The following KCNU1 variants were observed in gnomAD, a reference collection of about 807,000 sequenced individuals.
The protein encoded by KCNU1 is potassium channel subfamily U member 1.
In KCNU1, 93 loss-of-function variants were observed where a neutral mutation model predicts 126.8. The ratio of observed to expected loss-of-function variants is 0.73; its 90% confidence interval spans 0.62 to 0.87. The LOEUF (loss-of-function observed/expected upper bound fraction) is 0.87. Ranked by LOEUF, KCNU1 falls within the 40% of genes least tolerant of loss-of-function variation. The pLI is 0.00. For missense variants in KCNU1, 1,330 were observed against 1,367.1 expected (o/e 0.97, Z 0.43); for synonymous variants, 523 against 494.2 (o/e 1.06, Z -0.77).
Position 36,850,219 on chromosome 8 carries a change from A to G in KCNU1, c.1891+4320A>G, listed in dbSNP as rs1054906554. Among the ~76,000 whole-genome samples the G allele has an allele frequency of 3.4e-4, 52 of 152,162 alleles. 1 individual carries two copies. Among genetic ancestry groups the G allele is most frequent in the Non-Finnish European group, 1.5e-4 (10 of 68,030 alleles). On this transcript the variant is annotated intron_variant, in intron 18 of 26. Coordinates refer to ENST00000399881, the MANE Select transcript of KCNU1 (RefSeq NM_001031836.3). ...TATTCTAAATACATAGTCCCTTATCAGATGTATGATTGGCAAATATTTTCT... is the reference window on the plus strand; with the variant it reads ...TATTCTAAATACATAGTCCCTTATCGGATGTATGATTGGCAAATATTTTCT...
intron 23 of KCNU1, among the ~76,000 whole-genome samples, chr8:36,919,347 TG>T (rs1249857340): frequency 6.7e-6 from 1 of 150,306 alleles, no homozygotes; most frequent in African/African-American, 2.5e-5. Context: ...TGCTCACCCT[TG>T]GTGTCTCCAA....
chr8:36,836,164 C>T (rs528871524), intron 12 of KCNU1, 132 bp from the exon 13 acceptor site: 6 of 583,222 alleles, frequency 1.0e-5, no homozygotes, highest in Non-Finnish European at 1.8e-5. Flanking sequence ...GAAAACAACA[C>T]AACAATAAAC....
intron 2 of KCNU1, among the ~76,000 whole-genome samples, chr8:36,790,027 G>A (rs1167185184): frequency 1.3e-5 from 2 of 152,194 alleles, no homozygotes; most frequent in East Asian, 1.9e-4. Context: ...GGATGTCTGA[G>A]ATCTTAAAGT....
At chr8:36,827,089 T>C (rs1048375365) in intron 10 of KCNU1, among the ~76,000 whole-genome samples, 1 of 152,180 alleles carries the variant, frequency 6.6e-6, no homozygotes, top group Non-Finnish European at 1.5e-5. Flanking sequence ...ATTCCTGTTT[T>C]GCACAACTAT....
chr8:36,846,584 A>T (rs1420185257), intron 18 of KCNU1, among the ~76,000 whole-genome samples: 9 of 152,084 alleles, frequency 5.9e-5, no homozygotes. Flanking sequence ...GGGGTGGATC[A>T]TGAGGTCAGG....
In KCNU1 at chr8:36,836,920, C is replaced by T; in HGVS notation, c.1493C>T (p.Ser498Phe). The change falls in exon 14 of 27, where the codon TCT (serine) becomes TTT (phenylalanine). Residue 498 changes from serine (S) to phenylalanine (F), a missense_variant. Physicochemically the swap from Ser to Phe is radical, Grantham distance 155 (BLOSUM62 -2). Around this residue, in one of 3 missense-constraint regions of KCNU1, gnomAD observed 1,054 missense variants for 1,053.9 expected, o/e 1.00. Coordinates refer to ENST00000399881, the MANE Select transcript of KCNU1 (RefSeq NM_001031836.3). Reference sequence around the variant, plus strand: ...CCAGGCTTGTGTACCTTCCTAACATCTCTATTTGTGGAGCAAAACAAAAAG... The same window carrying T: ...CCAGGCTTGTGTACCTTCCTAACATTTCTATTTGTGGAGCAAAACAAAAAG... ...LVPGLCTFLT[S>F]LFVEQNKKVM... 6.2e-7 allele frequency: 1 copy of T among 1,613,804 alleles called. No individual in the cohort carries two copies. Among genetic ancestry groups the T allele is most frequent in the Non-Finnish European group, 8.5e-7 (1 of 1,179,780 alleles).
intron 10 of KCNU1, among the ~76,000 whole-genome samples, chr8:36,821,856 T>C (rs1804139652): frequency 6.6e-6 from 1 of 152,184 alleles, no homozygotes; most frequent in African/African-American, 2.4e-5. Flanking sequence ...GGCTTTGTGT[T>C]AGATATTTGA....
At chr8:36,834,969 C>A (rs896674484) in intron 12 of KCNU1, 101 bp downstream of exon 12, 15 of 755,434 alleles carry the variant, frequency 2.0e-5, no homozygotes, top group Non-Finnish European at 2.9e-5. Context: ...TGTCGTCTAT[C>A]ATATCACTAG....
intron 2 of KCNU1, among the ~76,000 whole-genome samples, chr8:36,800,435 C>G (rs1283796295): frequency 1.3e-5 from 2 of 152,184 alleles, no homozygotes; most frequent in Non-Finnish European, 2.9e-5. Context: ...AAGGCTCTGT[C>G]TGGATGAGGT....
intron 8 of KCNU1, among the ~76,000 whole-genome samples, chr8:36,815,233 A>C (rs989748090): frequency 3.9e-5 from 6 of 152,146 alleles, no homozygotes; most frequent in Admixed American, 2.0e-4. Flanking sequence ...TGGGAGGCTG[A>C]GGCAGGAGAA....
At chr8:36,923,369 G>T (rs571644604) in intron 24 of KCNU1, among the ~76,000 whole-genome samples, 3 of 152,266 alleles carry the variant, frequency 2.0e-5, no homozygotes, top group Admixed American at 6.5e-5. Context: ...CAATTAAAGG[G>T]CTAAGGAGAT....
chr8:36,921,359 A>G (rs555838442), intron 23 of KCNU1, among the ~76,000 whole-genome samples: 66 of 152,200 alleles, frequency 4.3e-4, no homozygotes, highest in African/African-American at 9.4e-4. Flanking sequence ...CTTTGCTCCT[A>G]TGGGAGACAC....
intron 19 of KCNU1, chr8:36,888,487 C>G: frequency 2.0e-6 from 1 of 507,146 alleles, no homozygotes; most frequent in Non-Finnish European, 4.1e-6. Flanking sequence ...TCACGATTAT[C>G]TTCCAGGACC....
rs777502725 is a variant in KCNU1 at position 36,888,770 on chromosome 8, T to G, written c.2010-16938T>G. ...GAAGTATATCAAAGATTACATGAAA[T>G]CAATCAACGAAAAACTTGAAGAACA... On this transcript the variant is annotated intron_variant, in intron 19 of 26. Coordinates refer to ENST00000399881, the MANE Select transcript of KCNU1 (RefSeq NM_001031836.3). 5.6e-6 allele frequency: 3 copies of G among 532,834 alleles called. No homozygotes were observed. The African/African-American group carries it at 5.8e-5, about 10-fold the overall frequency. 33.0% of individuals were successfully genotyped at this position (532,834 alleles called of 1,614,324 possible). A position where few individuals can be genotyped will look rare whatever the true frequency, so the allele number is the denominator to read the frequency against.
At chr8:36,847,153 T>G (rs895555496) in intron 18 of KCNU1, among the ~76,000 whole-genome samples, 4 of 152,244 alleles carry the variant, frequency 2.6e-5, no homozygotes, top group Non-Finnish European at 4.4e-5. Flanking sequence ...TCCATTCTCC[T>G]AGTCTTGAAG....
intron 19 of KCNU1, among the ~76,000 whole-genome samples, chr8:36,899,305 C>T (rs947763669): frequency 6.6e-6 from 1 of 151,860 alleles, no homozygotes; most frequent in East Asian, 1.9e-4. Flanking sequence ...AAAATGCCTT[C>T]GTGGAGATTT....
chr8:36,786,781 A>G (rs1158657775), intron 1 of KCNU1, among the ~76,000 whole-genome samples: 1 of 152,202 alleles, frequency 6.6e-6, no homozygotes, highest in African/African-American at 2.4e-5. Flanking sequence ...TAATAAGTAA[A>G]GACATTCTAT....
chr8:36,807,812 G>GT (rs1803562844), intron 6 of KCNU1, among the ~76,000 whole-genome samples: 1 of 138,686 alleles, frequency 7.2e-6, no homozygotes, highest in Admixed American at 7.6e-5. Flanking sequence ...TCCTGGCTAG[G>GT]TAAAAAAAAA....
intron 19 of KCNU1, among the ~76,000 whole-genome samples, chr8:36,884,642 A>G (rs1234178089): frequency 1.3e-5 from 2 of 152,188 alleles, no homozygotes; most frequent in East Asian, 3.9e-4. Flanking sequence ...AGGCTGAGGC[A>G]GTAGAATCGC....
Sources: allele counts gnomAD v4.1 joint callset (sites outside exome capture counted in the v4.1 genomes callset), GRCh38; gene constraint gnomAD v4.1.1; regional missense constraint gnomAD v4.1.1; transcripts MANE v1.5; gene names NCBI Gene and HGNC (gene_info 2026-07-23, HGNC 2026-07-21).